The following PDE3A variants were observed in gnomAD, a reference collection of about 807,000 sequenced individuals.
The protein encoded by PDE3A is phosphodiesterase 3A.
PDE3A carries 43 observed loss-of-function variants against 98.3 expected under a neutral mutation model. The observed-to-expected ratio is 0.44, with a 90% CI of 0.34 to 0.56. The LOEUF (loss-of-function observed/expected upper bound fraction) is 0.56. Ranked by LOEUF, PDE3A falls within the 20% of genes least tolerant of loss-of-function variation. The pLI, the probability that PDE3A is intolerant of heterozygous loss-of-function variation, is 0.01. For missense variants in PDE3A, 1,427 were observed against 1,440.7 expected, an observed-to-expected ratio of 0.99 and a Z score of 0.15; for synonymous variants, 663 against 567.9, an observed-to-expected ratio of 1.17 and a Z score of -2.38.
chr12:20,670,633 A>G (rs1038436162), intron 15 of PDE3A, among the ~76,000 whole-genome samples: 1 of 150,868 alleles, frequency 6.6e-6, no homozygotes, highest in African/African-American at 2.5e-5. Context: ...AGAAATAAAG[A>G]TGTTCTTTGA....
intron 1 of PDE3A, among the ~76,000 whole-genome samples, chr12:20,467,152 G>A (rs766250211): frequency 3.3e-5 from 5 of 152,048 alleles, no homozygotes; most frequent in Non-Finnish European, 7.4e-5. Context: ...GAAGACTGCT[G>A]TTAAACATGA....
intron 15 of PDE3A, among the ~76,000 whole-genome samples, chr12:20,654,731 C>G (rs1945003772): frequency 7.7e-6 from 1 of 130,042 alleles, no homozygotes; most frequent in East Asian, 2.5e-4. Context: ...CCAGGATGGT[C>G]TCGATCTCCT....
chr12:20,557,340 C>A (rs1942396153), intron 2 of PDE3A: 1 of 152,186 alleles, frequency 6.6e-6, no homozygotes, highest in African/African-American at 2.4e-5. Flanking sequence ...AATTACTTTC[C>A]CTGATGGAAT....
chr12:20,620,418 G>A, intron 4 of PDE3A, among the ~76,000 whole-genome samples: 1 of 152,062 alleles, frequency 6.6e-6, no homozygotes, highest in Non-Finnish European at 1.5e-5. Context: ...AGCAGTCCAA[G>A]ATTGTCAACA....
At chr12:20,598,166 CTT>C (rs947551408) in intron 2 of PDE3A, among the ~76,000 whole-genome samples, 1 of 150,384 alleles carries the variant, frequency 6.6e-6, no homozygotes, top group Non-Finnish European at 1.5e-5. Context: ...ACTTTTATTT[CTT>C]TTTTTAATTA....
intron 1 of PDE3A, among the ~76,000 whole-genome samples, chr12:20,518,703 AT>A (rs144562563): frequency 6.6e-6 from 1 of 152,206 alleles, no homozygotes; most frequent in South Asian, 2.1e-4. Flanking sequence ...ATGGTGACCA[AT>A]TTTTTTGGTA....
chr12:20,596,333 C>G (rs1199513393), intron 2 of PDE3A, among the ~76,000 whole-genome samples: 1 of 152,048 alleles, frequency 6.6e-6, no homozygotes, highest in Non-Finnish European at 1.5e-5. Context: ...GAAATACTTC[C>G]CATACAAAAC....
intron 1 of PDE3A, among the ~76,000 whole-genome samples, chr12:20,424,146 A>C (rs1944567505): frequency 6.6e-6 from 1 of 152,224 alleles, no homozygotes; most frequent in Admixed American, 6.5e-5. Context: ...TTTAAAGGAT[A>C]CTTCTCAGCT....
chr12:20,565,328 T>A (rs1479353344), intron 2 of PDE3A, among the ~76,000 whole-genome samples: 1 of 152,050 alleles, frequency 6.6e-6, no homozygotes, highest in East Asian at 1.9e-4. Context: ...AATTTTTATC[T>A]CACGCTGGGT....
At chr12:20,455,388 G>A (rs1029324159) in intron 1 of PDE3A, among the ~76,000 whole-genome samples, 2 of 151,756 alleles carry the variant, frequency 1.3e-5, no homozygotes, top group Non-Finnish European at 2.9e-5. Context: ...TTGCAAAAAT[G>A]TTCTCCCATT....
intron 2 of PDE3A, among the ~76,000 whole-genome samples, chr12:20,574,771 G>T (rs965337134): frequency 6.6e-6 from 1 of 151,928 alleles, no homozygotes; most frequent in Non-Finnish European, 1.5e-5. Flanking sequence ...GGTCACATTT[G>T]TCTCACTGTC....
At chr12:20,495,745 A>G (rs1335967215) in intron 1 of PDE3A, among the ~76,000 whole-genome samples, 1 of 152,190 alleles carries the variant, frequency 6.6e-6, no homozygotes, top group Non-Finnish European at 1.5e-5. Context: ...TATTAGGCCA[A>G]ATGGTAGGAA....
chr12:20,445,330 AT>A (rs5796860), intron 1 of PDE3A, among the ~76,000 whole-genome samples: 5,435 of 151,646 alleles, frequency 0.036, 128 homozygotes, highest in Middle Eastern at 0.082. Context: ...CCTTGAGAAA[AT>A]TTTTTTTTCT....
rs1565586304 is a variant in PDE3A, at chr12:20,552,050, A to AT, written c.961-4604dup. 3 of 1,612,224 alleles carry AT rather than the reference A, an allele frequency of 1.9e-6. No homozygotes were observed. In the African/African-American group the frequency reaches 4.0e-5, roughly 22 times the overall value. The stretch of plus-strand genomic sequence containing the variant: ...TACGAGGATGACGTGGACCATGGGA[A>AT]TTTTTTCACATACACGGGTAGTGGT... On this transcript the variant is annotated intron_variant, in intron 1 of 15. Coordinates refer to ENST00000359062, the MANE Select transcript of PDE3A (RefSeq NM_000921.5). This position sits in a 1 kb window ranked among gnomAD's most constrained non-coding sequence, Gnocchi z 5.1.
intron 1 of PDE3A, among the ~76,000 whole-genome samples, chr12:20,467,262 C>T (rs1322314154): frequency 6.7e-5 from 10 of 150,358 alleles, no homozygotes; most frequent in African/African-American, 2.4e-4. Flanking sequence ...TGTGAAATGT[C>T]TGAATGAGAT....
chr12:20,551,595 G>T lies in PDE3A; in HGVS notation c.961-5065G>T, dbSNP rs946912435. The T allele has an allele frequency of 5.8e-6, 9 of 1,554,030 alleles. No individual in the cohort carries two copies. In the East Asian group the frequency reaches 1.9e-4, roughly 33 times the overall value. On this transcript the variant is annotated intron_variant, in intron 1 of 15. Coordinates refer to ENST00000359062, the MANE Select transcript of PDE3A (RefSeq NM_000921.5). ...GGGTCTGCGCCTGCCACCTGTGCGGGGGCCGGCAGGACCCCGACAAGCAGC... is the reference window on the plus strand; with the variant it reads ...GGGTCTGCGCCTGCCACCTGTGCGGTGGCCGGCAGGACCCCGACAAGCAGC...
intron 9 of PDE3A, among the ~76,000 whole-genome samples, chr12:20,639,235 T>C (rs554776252): frequency 1.3e-5 from 2 of 152,064 alleles, no homozygotes; most frequent in Admixed American, 1.3e-4. Flanking sequence ...TTTCTAAGAG[T>C]CATGGATACC....
chr12:20,591,617 C>T (rs767504927), intron 2 of PDE3A, among the ~76,000 whole-genome samples: 7 of 152,192 alleles, frequency 4.6e-5, no homozygotes, highest in Non-Finnish European at 8.8e-5. Context: ...GAATGATACA[C>T]TGTTCTGTTC....
At chr12:20,530,489 CT>C (rs35355077) in intron 1 of PDE3A, among the ~76,000 whole-genome samples, 35,187 of 143,624 alleles carry the variant, frequency 0.24, 4,195 homozygotes, top group South Asian at 0.31. Context: ...CTATACAATA[CT>C]TTTTTTTTTT....
Sources: gnomAD v4.1 joint callset for allele counts (sites outside exome capture counted in the v4.1 genomes callset) on GRCh38, gnomAD v4.1.1 for gene constraint, Gnocchi (gnomAD v3.1) non-coding constraint, MANE v1.5 for transcripts, NCBI Gene and HGNC (gene_info 2026-07-23, HGNC 2026-07-21) for gene names.